Variants in GNA12 observed in about 807,000 individuals in gnomAD.
GNA12 encodes the protein G protein subunit alpha 12.
In GNA12, 9 loss-of-function variants were observed where a neutral mutation model predicts 26.0. The observed-to-expected ratio is 0.35, with a 90% CI of 0.21 to 0.60. The LOEUF is 0.60. GNA12 is among the 20% of genes least tolerant of loss of function. The pLI is 0.78. For missense variants in GNA12, 405 were observed against 525.8 expected (o/e 0.77, Z 2.25); for synonymous variants, 264 against 219.6 (o/e 1.20, Z -1.79).
At chr7:2,744,613 T>C (rs1790678116) in intron 2 of GNA12, among the ~76,000 whole-genome samples, 1 of 151,956 alleles carries the variant, frequency 6.6e-6, no homozygotes, top group Non-Finnish European at 1.5e-5. Flanking sequence ...TCAGAGCACC[T>C]CTCCTCCTCC....
intron 1 of GNA12, among the ~76,000 whole-genome samples, chr7:2,822,766 C>T (rs183674456): frequency 2.6e-5 from 4 of 152,312 alleles, no homozygotes; most frequent in East Asian, 1.9e-4. Context: ...GAGCTATGAT[C>T]GCCCCACTGC....
rs1057217646 is a variant in GNA12 at position 2,731,144 on chromosome 7, G to A, written c.*37C>T. 1 of 1,422,480 alleles carries A rather than the reference G, an allele frequency of 7.0e-7. No individual in the cohort carries two copies. The highest frequency in any genetic ancestry group is 1.4e-5 in the African/African-American group (1 of 71,390). The allele number at this position is 1,422,480 out of a possible 1,614,324, so 88.1% of individuals were successfully genotyped here. ...CAAGAGTCTGACCGACAGCCGTGGG[G>A]GCTGCTCAACGACGACAAACCCCGG... On this transcript the variant is annotated 3_prime_UTR_variant, in exon 4 of 4. Transcript: ENST00000275364. This position sits in a 1 kb window ranked among gnomAD's most constrained non-coding sequence, Gnocchi z 6.0.
chr7:2,844,191 G>A lies in GNA12; in HGVS notation c.-30C>T, dbSNP rs901181629. 24 of 970,646 alleles carry A rather than the reference G, an allele frequency of 2.5e-5. No individual in the cohort carries two copies. The highest frequency in any genetic ancestry group is 2.7e-5 in the Non-Finnish European group (22 of 819,188). The allele number at this position is 970,646 out of a possible 1,614,324, so 60.1% of individuals were successfully genotyped here. ...CCTCAGGCCGCGGCCGCGCCCCGCCGGCGCCCGGGGGCCATGGACGCTCCC... is the reference window on the plus strand; with the variant it reads ...CCTCAGGCCGCGGCCGCGCCCCGCCAGCGCCCGGGGGCCATGGACGCTCCC... On this transcript the variant is annotated 5_prime_UTR_variant, in exon 1 of 4. Coordinates refer to ENST00000275364, the MANE Select transcript of GNA12 (RefSeq NM_007353.3).
Position 2,786,506 on chromosome 7 carries a change from A to C in GNA12, c.525+8422T>G, listed in dbSNP as rs377174634. Among the ~76,000 whole-genome samples the C allele has an allele frequency of 1.2e-4, 19 of 152,352 alleles. No individual in the cohort carries two copies. In the East Asian group the frequency reaches 3.7e-3, roughly 29 times the overall value. On this transcript the variant is annotated intron_variant, in intron 2 of 3. Coordinates refer to ENST00000275364, the MANE Select transcript of GNA12 (RefSeq NM_007353.3). Reference sequence around the variant, plus strand: ...CCAATGATTATGAAAAGTTCGACTTACCAAGCTGGCAAAACTTACAGAAAA... The same window carrying C: ...CCAATGATTATGAAAAGTTCGACTTCCCAAGCTGGCAAAACTTACAGAAAA...
intron 2 of GNA12, among the ~76,000 whole-genome samples, chr7:2,789,712 G>T (rs1358529569): frequency 6.6e-6 from 1 of 152,150 alleles, no homozygotes; most frequent in Non-Finnish European, 1.5e-5. Flanking sequence ...GTTCATCCAT[G>T]CCTAAACCAA....
chr7:2,781,674 G>C lies in GNA12; in HGVS notation c.525+13254C>G, dbSNP rs1172552989. ...TTTACTGTATATTCTTTTTTCTCAA[G>C]CCTTGAAAAATGTAAAGAACAATCT... On this transcript the variant is annotated intron_variant, in intron 2 of 3. Transcript: ENST00000275364. 2.6e-5 allele frequency among the ~76,000 whole-genome samples: 4 copies of C among 152,018 alleles called. No homozygotes were observed. In the South Asian group the frequency reaches 8.3e-4, roughly 31 times the overall value.
intron 2 of GNA12, among the ~76,000 whole-genome samples, chr7:2,757,399 G>T (rs571378836): frequency 1.8e-4 from 27 of 152,272 alleles, no homozygotes; most frequent in African/African-American, 6.3e-4. Context: ...ACACAGCCGT[G>T]TTATGAGGAG....
At chr7:2,805,222 G>A (rs910995557) in intron 1 of GNA12, among the ~76,000 whole-genome samples, 3 of 152,176 alleles carry the variant, frequency 2.0e-5, no homozygotes, top group African/African-American at 7.2e-5. Context: ...AACAATCTGC[G>A]TTCATGGGAC....
At chr7:2,789,664 G>A (rs538315437) in intron 2 of GNA12, among the ~76,000 whole-genome samples, 1 of 152,220 alleles carries the variant, frequency 6.6e-6, no homozygotes, top group African/African-American at 2.4e-5. Context: ...CCAGTTAGGC[G>A]GCCCCTACTT....
chr7:2,734,263 C>T (rs148619256), intron 2 of GNA12, among the ~76,000 whole-genome samples: 1 of 152,338 alleles, frequency 6.6e-6, no homozygotes, highest in Non-Finnish European at 1.5e-5. Context: ...GACCACAGAG[C>T]AGCCCGCATA....
chr7:2,839,296 C>A (rs747987981), intron 1 of GNA12, among the ~76,000 whole-genome samples: 1 of 152,004 alleles, frequency 6.6e-6, no homozygotes, highest in South Asian at 2.1e-4. Flanking sequence ...TGCAGTGGCA[C>A]GATGTTGGCT....
intron 2 of GNA12, among the ~76,000 whole-genome samples, chr7:2,735,021 G>A (rs1790092859): frequency 6.6e-6 from 1 of 152,110 alleles, no homozygotes. Context: ...CCGCCTTCCC[G>A]TGGCTGTGCC....
chr7:2,744,820 T>C (rs1218453268), intron 2 of GNA12, among the ~76,000 whole-genome samples: 1 of 152,054 alleles, frequency 6.6e-6, no homozygotes, highest in East Asian at 1.9e-4. Flanking sequence ...AGAGAAGTCC[T>C]TAAAGGACCT....
At chr7:2,756,641 G>C (rs749158601) in intron 2 of GNA12, among the ~76,000 whole-genome samples, 4 of 149,576 alleles carry the variant, frequency 2.7e-5, no homozygotes, top group African/African-American at 9.8e-5. Flanking sequence ...ACATAGGAGA[G>C]GATCTGTGTG....
chr7:2,839,221 G>C (rs560344052), intron 1 of GNA12, among the ~76,000 whole-genome samples: 1 of 150,630 alleles, frequency 6.6e-6, no homozygotes, highest in African/African-American at 2.4e-5. Context: ...CAACAAAAGA[G>C]AGACAACAGG....
At chr7:2,738,831 TTTTG>T (rs1304202147) in intron 2 of GNA12, among the ~76,000 whole-genome samples, 6 of 152,188 alleles carry the variant, frequency 3.9e-5, no homozygotes, top group South Asian at 2.1e-4. Context: ...CTGTTTTTTA[TTTTG>T]TTTGTTTTTT....
chr7:2,813,574 T>TG (rs967590414), intron 1 of GNA12, among the ~76,000 whole-genome samples: 13 of 151,046 alleles, frequency 8.6e-5, no homozygotes, highest in African/African-American at 3.2e-4. Context: ...AGCTCTCAGG[T>TG]GGGGAAAAAA....
intron 2 of GNA12, among the ~76,000 whole-genome samples, chr7:2,772,049 T>C (rs898980608): frequency 1.3e-5 from 2 of 152,248 alleles, no homozygotes; most frequent in Non-Finnish European, 2.9e-5. Context: ...CATCTTTTCA[T>C]GTGTTATTTG....
At chr7:2,829,624 A>T (rs778396754) in intron 1 of GNA12, among the ~76,000 whole-genome samples, 1 of 152,174 alleles carries the variant, frequency 6.6e-6, no homozygotes, top group Non-Finnish European at 1.5e-5. Flanking sequence ...TTCTTATACA[A>T]TATAGAGCAC....
Sources: gnomAD v4.1 joint callset for allele counts (sites outside exome capture counted in the v4.1 genomes callset) on GRCh38, gnomAD v4.1.1 for gene constraint, Gnocchi (gnomAD v3.1) non-coding constraint, MANE v1.5 for transcripts, NCBI Gene and HGNC (gene_info 2026-07-23, HGNC 2026-07-21) for gene names.